Variants in DLGAP2 observed in about 807,000 individuals in gnomAD.
DLGAP2 encodes disks large-associated protein 2.
A neutral mutation model predicts 100.3 loss-of-function variants in DLGAP2; 26 were observed. The ratio of observed to expected loss-of-function variants is 0.26; its 90% CI spans 0.19 to 0.36. The LOEUF is 0.36. Ranked by LOEUF, DLGAP2 falls within the 10% of genes least tolerant of loss-of-function variation. DLGAP2 has a pLI of 1.00. For synonymous variants in DLGAP2, 886 were observed against 630.1 expected (o/e 1.41, Z -6.08); for missense variants, 1,858 against 1,453.2 (o/e 1.28, Z -4.53).
intron 2 of DLGAP2, among the ~76,000 whole-genome samples, chr8:940,332 G>C (rs899545152): frequency 1.3e-5 from 2 of 152,016 alleles, no homozygotes; most frequent in African/African-American, 4.8e-5. Context: ...CTGTGAGGTT[G>C]ACAGAGCCAG....
chr8:1,648,163 C>G (rs1215358547), intron 8 of DLGAP2, among the ~76,000 whole-genome samples: 1 of 152,172 alleles, frequency 6.6e-6, no homozygotes, highest in Non-Finnish European at 1.5e-5. Context: ...TTGATAAGCT[C>G]TTTAATTCCT....
At chr8:1,232,049 C>T (rs1798546746) in intron 2 of DLGAP2, among the ~76,000 whole-genome samples, 3 of 152,316 alleles carry the variant, frequency 2.0e-5, no homozygotes, top group South Asian at 2.1e-4. Flanking sequence ...GAAAGTACCA[C>T]ACAAGTAGTG....
chr8:845,493 C>G (rs1424736996), intron 1 of DLGAP2, among the ~76,000 whole-genome samples: 1 of 152,106 alleles, frequency 6.6e-6, no homozygotes, highest in Non-Finnish European at 1.5e-5. Context: ...AGATCCTTTG[C>G]CCATTTTAAA....
At chr8:1,460,489 G>A (rs956106581) in intron 3 of DLGAP2, among the ~76,000 whole-genome samples, 1 of 152,140 alleles carries the variant, frequency 6.6e-6, no homozygotes, top group African/African-American at 2.4e-5. Context: ...AGCAGGGGAC[G>A]CCTCTCCTTC....
At chr8:1,586,229 G>C (rs1584957319) in intron 6 of DLGAP2, among the ~76,000 whole-genome samples, 1 of 152,206 alleles carries the variant, frequency 6.6e-6, no homozygotes, top group East Asian at 1.9e-4. Flanking sequence ...TTCTTTCCGG[G>C]GATCTGCGTG....
At chr8:969,720 C>G (rs1353348271) in intron 2 of DLGAP2, among the ~76,000 whole-genome samples, 2 of 152,158 alleles carry the variant, frequency 1.3e-5, no homozygotes, top group African/African-American at 2.4e-5. Context: ...GCTCCCTGTT[C>G]AGTGATGTCA....
chr8:902,416 G>C (rs1463881647), intron 1 of DLGAP2, among the ~76,000 whole-genome samples: 6 of 150,324 alleles, frequency 4.0e-5, no homozygotes, highest in Non-Finnish European at 7.4e-5. Context: ...ACGGTGTGCA[G>C]TTCGTGCTGG....
chr8:1,163,981 T>C (rs1171934614), intron 2 of DLGAP2, among the ~76,000 whole-genome samples: 4 of 152,352 alleles, frequency 2.6e-5, no homozygotes, highest in African/African-American at 9.6e-5. Flanking sequence ...ACGAGAGCCC[T>C]CTAAGACTCA....
intron 3 of DLGAP2, among the ~76,000 whole-genome samples, chr8:1,450,812 C>T (rs976568558): frequency 6.6e-6 from 1 of 152,018 alleles, no homozygotes; most frequent in African/African-American, 2.4e-5. Context: ...ACTATTTGGG[C>T]AAATATTTAG....
chr8:1,503,649 T>A (rs534019318), intron 4 of DLGAP2, among the ~76,000 whole-genome samples: 1 of 152,250 alleles, frequency 6.6e-6, no homozygotes, highest in East Asian at 1.9e-4. Context: ...AATTGGTGGA[T>A]CCCATGGTGA....
At chr8:1,621,976 A>G (rs1249890776) in intron 6 of DLGAP2, 2 of 152,190 alleles carry the variant, frequency 1.3e-5, no homozygotes, top group Non-Finnish European at 2.9e-5. Flanking sequence ...GCTCAAGAAC[A>G]CTTTTTACCC....
rs1820355081 is a variant in DLGAP2, at chr8:737,746, G to C, written c.-62G>C. ...CAACCCGCGAGCCCCGGGAGCCGTC[G>C]GTCTGAGGAGGGGCCGCTTCGCCAT... On this transcript the variant is annotated 5_prime_UTR_variant, in exon 1 of 15. Transcript: ENST00000637795. 1 of 376,324 alleles carries C rather than the reference G, an allele frequency of 2.7e-6. No homozygotes were observed. Among genetic ancestry groups the C allele is most frequent in the South Asian group, 1.3e-4 (1 of 7,698 alleles). 23.3% of individuals were successfully genotyped at this position (376,324 alleles called of 1,614,324 possible).
chr8:1,418,023 T>C (rs1231569869), intron 3 of DLGAP2, among the ~76,000 whole-genome samples: 1 of 152,246 alleles, frequency 6.6e-6, no homozygotes, highest in Non-Finnish European at 1.5e-5. Flanking sequence ...AGTCCCGTTC[T>C]GGACAGTGGA....
chr8:908,746 T>C (rs1354085137), intron 2 of DLGAP2, among the ~76,000 whole-genome samples: 1 of 152,216 alleles, frequency 6.6e-6, no homozygotes, highest in African/African-American at 2.4e-5. Flanking sequence ...GATGCCTCTT[T>C]CGTGTGAGGG....
intron 5 of DLGAP2, among the ~76,000 whole-genome samples, chr8:1,557,873 G>A (rs892879815): frequency 9.2e-5 from 14 of 152,178 alleles, no homozygotes; most frequent in African/African-American, 2.7e-4. Context: ...CTCTGTAAAC[G>A]TCCCATCTCC....
intron 3 of DLGAP2, among the ~76,000 whole-genome samples, chr8:1,449,583 G>A (rs1305832473): frequency 6.6e-6 from 1 of 152,176 alleles, no homozygotes; most frequent in African/African-American, 2.4e-5. Context: ...CCGTTCCTGA[G>A]CTCCAGGGTG....
intron 3 of DLGAP2, among the ~76,000 whole-genome samples, chr8:1,350,395 G>C (rs1375240821): frequency 1.1e-5 from 1 of 89,798 alleles, no homozygotes; most frequent in African/African-American, 4.1e-5. Context: ...TGGAAAGGCC[G>C]CGCGGGTCCT....
intron 2 of DLGAP2, among the ~76,000 whole-genome samples, chr8:1,212,335 G>C (rs958551302): frequency 2.0e-5 from 3 of 152,218 alleles, no homozygotes; most frequent in Admixed American, 1.3e-4. Flanking sequence ...TCCGTCTCCA[G>C]AGGTCCTCCT....
chr8:865,160 A>C (rs773006991), intron 1 of DLGAP2, among the ~76,000 whole-genome samples: 3 of 152,172 alleles, frequency 2.0e-5, no homozygotes, highest in Non-Finnish European at 4.4e-5. Context: ...CACCTGGCCC[A>C]CCAGGACGAC....
Sources: allele counts gnomAD v4.1 joint callset (sites outside exome capture counted in the v4.1 genomes callset), GRCh38; gene constraint gnomAD v4.1.1; transcripts MANE v1.5; gene names NCBI Gene and HGNC (gene_info 2026-07-23, HGNC 2026-07-21).